ADAMTS18: variants seen among roughly 807,000 people sequenced by gnomAD.
ADAMTS18 encodes A disintegrin and metalloproteinase with thrombospondin motifs 18.
A neutral mutation model predicts 165.9 loss-of-function variants in ADAMTS18; 157 were observed. The ratio of observed to expected loss-of-function variants is 0.95; its 90% CI spans 0.83 to 1.08. The LOEUF (loss-of-function observed/expected upper bound fraction) is 1.08, where lower values mean the gene tolerates loss of function less well. ADAMTS18 is among the 50% of genes least tolerant of loss of function. The pLI is 0.00. For missense variants in ADAMTS18, 2,040 were observed against 1,534.0 expected, an observed-to-expected ratio of 1.33 and a Z score of -5.51; for synonymous variants, 782 against 578.2, an observed-to-expected ratio of 1.35 and a Z score of -5.06.
chr16:77,313,128 G>C (rs1395849357), intron 16 of ADAMTS18, among the ~76,000 whole-genome samples: 1 of 151,874 alleles, frequency 6.6e-6, no homozygotes, highest in Non-Finnish European at 1.5e-5. Flanking sequence ...AAAATGTTGA[G>C]TTCATGTCCT....
At chr16:77,388,937 G>A (rs1357536925) in intron 3 of ADAMTS18, among the ~76,000 whole-genome samples, 1 of 152,156 alleles carries the variant, frequency 6.6e-6, no homozygotes, top group Non-Finnish European at 1.5e-5. Context: ...TTCTAATGAA[G>A]CTGGCAGCAG....
intron 3 of ADAMTS18, among the ~76,000 whole-genome samples, chr16:77,383,681 T>C (rs932539659): frequency 7.2e-5 from 11 of 152,102 alleles, no homozygotes; most frequent in Non-Finnish European, 1.6e-4. Flanking sequence ...TAGCTGGGAT[T>C]ACAGGCACCC....
At chr16:77,350,399 C>T (rs1479057160) in intron 10 of ADAMTS18, among the ~76,000 whole-genome samples, 1 of 152,016 alleles carries the variant, frequency 6.6e-6, no homozygotes, top group Non-Finnish European at 1.5e-5. Flanking sequence ...GGTGATGATG[C>T]TGAAGACATA....
intron 3 of ADAMTS18, among the ~76,000 whole-genome samples, chr16:77,427,874 A>C (rs2057693018): frequency 6.6e-6 from 1 of 152,238 alleles, no homozygotes; most frequent in African/African-American, 2.4e-5. Context: ...GTCTGCTAGC[A>C]AAATTTTAGC....
intron 19 of ADAMTS18, among the ~76,000 whole-genome samples, chr16:77,294,068 G>GAA (rs36051581): frequency 0.36 from 54,599 of 151,762 alleles, 12,006 homozygotes; most frequent in Non-Finnish European, 0.5. Flanking sequence ...TACGCTAAAG[G>GAA]AAAACACAGA....
chr16:77,403,529 G>A (rs1385209336), intron 3 of ADAMTS18, among the ~76,000 whole-genome samples: 1 of 152,138 alleles, frequency 6.6e-6, no homozygotes, highest in Non-Finnish European at 1.5e-5. Context: ...AAGGTTTAGG[G>A]ACCAATGTAG....
At chr16:77,400,910 C>A (rs897204401) in intron 3 of ADAMTS18, among the ~76,000 whole-genome samples, 1 of 149,988 alleles carries the variant, frequency 6.7e-6, no homozygotes, top group Non-Finnish European at 1.5e-5. Flanking sequence ...CTGGGATCAC[C>A]TCCCAAATAA....
chr16:77,319,689 C>T (rs1282141518), intron 16 of ADAMTS18, among the ~76,000 whole-genome samples, 160 bp downstream of exon 16: 3 of 152,084 alleles, frequency 2.0e-5, no homozygotes, highest in African/African-American at 7.2e-5. Context: ...CTGATCCGCC[C>T]ACCTCAGCCT....
chr16:77,295,830 A>G (rs1294987400), intron 18 of ADAMTS18, among the ~76,000 whole-genome samples: 3 of 151,980 alleles, frequency 2.0e-5, no homozygotes, highest in South Asian at 4.2e-4. Context: ...ATATATTTGA[A>G]CGGTTATCAA....
chr16:77,325,324 A>G (rs1054878214), intron 13 of ADAMTS18, among the ~76,000 whole-genome samples: 25 of 152,336 alleles, frequency 1.6e-4, no homozygotes, highest in African/African-American at 5.8e-4. Context: ...ATAAAGACAC[A>G]TTAATTTAAA....
rs1231514598 is a variant in ADAMTS18 at position 77,366,413 on chromosome 16, CT to C, written c.778+1027del. On this transcript the variant is annotated intron_variant, in intron 4 of 22. Coordinates refer to ENST00000282849, the MANE Select transcript of ADAMTS18 (RefSeq NM_199355.4). ...TCTCTACTAAAAATACAAAAATTAG[CT>C]TGGCGTGCTGGCGTGCGCCTATAAT... Among the ~76,000 whole-genome samples, 45 of 152,236 alleles carry C rather than the reference CT, an allele frequency of 3.0e-4. No individual in the cohort carries two copies. The East Asian group carries it at 5.2e-3, about 18-fold the overall frequency.
intron 16 of ADAMTS18, among the ~76,000 whole-genome samples, chr16:77,308,191 C>G (rs2055715907): frequency 2.0e-5 from 3 of 152,074 alleles, no homozygotes; most frequent in Non-Finnish European, 4.4e-5. Context: ...TAAACGAGAG[C>G]TTTTCTATTT....
Position 77,321,071 on chromosome 16 carries a change from T to TG in ADAMTS18, c.2287+7_2287+8insC. 6.2e-7 allele frequency: 1 copy of TG among 1,614,184 alleles called. No individual in the cohort carries two copies. The highest frequency in any genetic ancestry group is 2.2e-5 in the East Asian group (1 of 44,878). ...TCATTAACAATAACAAACAGCAGCA[T>TG]CTCTCACCATTTGCTTTATGCTGGT... On this transcript the variant is annotated splice_region_variant and intron_variant, in intron 15 of 22. Coordinates refer to ENST00000282849, the MANE Select transcript of ADAMTS18 (RefSeq NM_199355.4).
At position 77,367,654 on chromosome 16, in the gene ADAMTS18, G is replaced by C; in HGVS notation, c.565C>G (p.His189Asp). The change falls in exon 4 of 23, where the codon CAC becomes GAC. Residue 189 changes from histidine to aspartate, a missense_variant. His to Asp is a moderately conservative substitution (Grantham distance 81). Transcript: ENST00000282849. The part of the protein sequence containing the change: ...SPLPQLLAQE[H>D]NYSSPAGHHP... ...TGACCCGCAGGGGAGCTGTAGTTGT[G>C]TTCCTGGGCCAGAAGCTGAGGTAAT... is the stretch of plus-strand genomic sequence containing the variant. The C allele has an allele frequency of 6.2e-7, 1 of 1,614,164 alleles. No individual in the cohort carries two copies. Among genetic ancestry groups the C allele is most frequent in the Non-Finnish European group, 8.5e-7 (1 of 1,180,034 alleles).
At position 77,379,592 on chromosome 16, in the gene ADAMTS18, G is replaced by A. The variant is rs561242083; in HGVS notation, c.496-11869C>T. On this transcript the variant is annotated intron_variant, in intron 3 of 22. Transcript: ENST00000282849. ...CAACCTCCACCTCCCAGGTTCAAGC[G>A]ATTCTCCCACCTCAGCCTCCTGAGT... Among the ~76,000 whole-genome samples, 15 of 152,212 alleles carry A rather than the reference G, an allele frequency of 9.9e-5. No homozygotes were observed. In the South Asian group the frequency reaches 2.3e-3, roughly 23 times the overall value.
At position 77,363,840 on chromosome 16, in the gene ADAMTS18, C is replaced by A; in HGVS notation, c.1018G>T (p.Val340Leu). The A allele has an allele frequency of 1.9e-6, 3 of 1,614,012 alleles. No individual in the cohort carries two copies. Among genetic ancestry groups the A allele is most frequent in the Non-Finnish European group, 2.5e-6 (3 of 1,179,972 alleles). The change falls in exon 6 of 23, where the codon GTG becomes TTG. Residue 340 changes from valine to leucine, a missense_variant. Coordinates refer to ENST00000282849, the MANE Select transcript of ADAMTS18 (RefSeq NM_199355.4). ...AGAAGAATTAGGCTCACCACAACCACGTTTATGTCACTTCCAATAGTCCCA... is the reference window on the plus strand; with the variant it reads ...AGAAGAATTAGGCTCACCACAACCAAGTTTATGTCACTTCCAATAGTCCCA... ...KDGTIGSDIN[V>L]VVVSLILLEQ... is the part of the protein sequence containing the mutation.
chr16:77,332,040 A>C (rs1252282455), intron 12 of ADAMTS18, among the ~76,000 whole-genome samples: 2 of 152,198 alleles, frequency 1.3e-5, no homozygotes, highest in Non-Finnish European at 2.9e-5. Context: ...CTTCTAAAGC[A>C]CTTCACAAAT....
rs747354901 is a variant in ADAMTS18 at position 77,297,382 on chromosome 16, T to C, written c.2708A>G (p.Asp903Gly). ...YINVKAICLR[D>G]QNTQVNSSFC... ...TGAGGAATTGACTTGAGTATTTTGA[T>C]CTCGCAAGCAAATGGCCTTTACATT... Residue 903 changes from aspartate (D) to glycine (G), a missense_variant, in exon 18 of 23, where the codon GAT (aspartate) becomes GGT (glycine). Asp to Gly is a moderately conservative substitution (Grantham distance 94). Coordinates refer to ENST00000282849, the MANE Select transcript of ADAMTS18 (RefSeq NM_199355.4). 1.5e-5 allele frequency: 24 copies of C among 1,613,588 alleles called. No homozygotes were observed. The highest frequency in any genetic ancestry group is 2.0e-5 in the Non-Finnish European group (24 of 1,179,596).
rs10527824 is a variant in ADAMTS18, at chr16:77,314,649, G to GTGTGTGTA, written c.2532+5199_2532+5200insTACACACA. Among the ~76,000 whole-genome samples, 968 of 126,430 alleles carry GTGTGTGTA rather than the reference G, an allele frequency of 7.7e-3. 19 individuals carry two copies. Among genetic ancestry groups the GTGTGTGTA allele is most frequent in the African/African-American group, 0.015 (488 of 32,116 alleles). The allele number at this position is 126,430 out of a possible 152,430, so 82.9% of individuals were successfully genotyped here. A position where few individuals can be genotyped will look rare whatever the true frequency, so the allele number is the denominator to read the frequency against. ...AATGTGTGTGTATGTGTGTGTGTGTGTATATATATATATGTACATATATAC... is the reference window on the plus strand; with the variant it reads ...AATGTGTGTGTATGTGTGTGTGTGTGTGTGTGTATATATATATATATGTACATATATAC... On this transcript the variant is annotated intron_variant, in intron 16 of 22. Transcript: ENST00000282849.
Sources: allele counts gnomAD v4.1 joint callset (sites outside exome capture counted in the v4.1 genomes callset), GRCh38; gene constraint gnomAD v4.1.1; transcripts MANE v1.5; gene names NCBI Gene and HGNC (gene_info 2026-07-23, HGNC 2026-07-21).